The following AKR1A1 variants were observed in gnomAD, a reference collection of about 807,000 sequenced individuals.
AKR1A1 encodes aldo-keto reductase family 1 member A1.
A neutral mutation model predicts 39.2 loss-of-function variants in AKR1A1; 26 were observed. The ratio of observed to expected loss-of-function variants is 0.66; its 90% confidence interval spans 0.49 to 0.92. The LOEUF (loss-of-function observed/expected upper bound fraction) is 0.92. Among genes scored for constraint, AKR1A1 ranks in the 40% least tolerant of loss-of-function variants. AKR1A1 has a pLI of 0.00. For missense variants in AKR1A1, 378 were observed against 406.5 expected (o/e 0.93, Z 0.60); for synonymous variants, 141 against 155.5 (o/e 0.91, Z 0.69).
intron 1 of AKR1A1, among the ~76,000 whole-genome samples, chr1:45,559,036 T>C (rs947739818): frequency 6.6e-6 from 1 of 152,230 alleles, no homozygotes; most frequent in Non-Finnish European, 1.5e-5. Context: ...ATAGCTCCTG[T>C]TCAGTTATTC....
chr1:45,564,279 C>A (rs1269306777), intron 2 of AKR1A1, among the ~76,000 whole-genome samples: 2 of 152,062 alleles, frequency 1.3e-5, no homozygotes, highest in Non-Finnish European at 2.9e-5. Flanking sequence ...CAGACAAGGC[C>A]AAGGCGGGGC....
chr1:45,559,600 C>T (rs1430528411), intron 1 of AKR1A1, among the ~76,000 whole-genome samples: 2 of 149,998 alleles, frequency 1.3e-5, no homozygotes, highest in East Asian at 3.9e-4. Context: ...CTCCTTAGAT[C>T]CTTGGTTTTG....
intron 2 of AKR1A1, among the ~76,000 whole-genome samples, chr1:45,563,215 C>T (rs189851710): frequency 1.2e-3 from 179 of 151,790 alleles, no homozygotes; most frequent in African/African-American, 4.1e-3. Flanking sequence ...GCTTGGCCAA[C>T]GTGGTGAAAC....
intron 1 of AKR1A1, among the ~76,000 whole-genome samples, chr1:45,554,713 C>T (rs1644177718): frequency 6.6e-6 from 1 of 152,120 alleles, no homozygotes; most frequent in South Asian, 2.1e-4. Context: ...ATTTTTTAGA[C>T]AGGGTTTCAG....
intron 2 of AKR1A1, among the ~76,000 whole-genome samples, chr1:45,563,398 TA>T (rs1481822451): frequency 6.6e-6 from 1 of 150,584 alleles, no homozygotes; most frequent in Admixed American, 6.6e-5. Context: ...AGACTCCGTC[TA>T]GGGGGAAAAA....
At chr1:45,559,336 G>A (rs1285233438) in intron 1 of AKR1A1, among the ~76,000 whole-genome samples, 1 of 152,122 alleles carries the variant, frequency 6.6e-6, no homozygotes, top group Non-Finnish European at 1.5e-5. Flanking sequence ...TTTCCAGAGG[G>A]GGAGGCTCCA....
At chr1:45,562,555 G>T (rs1644292452) in intron 2 of AKR1A1, among the ~76,000 whole-genome samples, 1 of 151,612 alleles carries the variant, frequency 6.6e-6, no homozygotes, top group African/African-American at 2.4e-5. Context: ...TGTTCCCCAG[G>T]CTGGAGTGCA....
intron 1 of AKR1A1, among the ~76,000 whole-genome samples, chr1:45,556,693 A>G (rs1282637175): frequency 6.6e-6 from 1 of 151,548 alleles, no homozygotes; most frequent in African/African-American, 2.4e-5. Context: ...CCTGGCCAAT[A>G]CAGTGAAACC....
intron 5 of AKR1A1, 109 bp from the exon 6 acceptor site, chr1:45,568,376 G>GCA: frequency 7.6e-7 from 1 of 1,318,304 alleles, no homozygotes; most frequent in East Asian, 2.4e-5. Flanking sequence ...GCAGGCTGAA[G>GCA]GGGAGTGGAG....
At chr1:45,566,824 C>G (rs143282141) in intron 3 of AKR1A1, 45 bp from the exon 4 acceptor site, 6 of 1,602,440 alleles carry the variant, frequency 3.7e-6, no homozygotes, top group Non-Finnish European at 5.1e-6. Context: ...GGTGAGACCA[C>G]GTGCTCATGG....
intron 2 of AKR1A1, among the ~76,000 whole-genome samples, chr1:45,562,477 G>C (rs1209353016): frequency 6.6e-6 from 1 of 150,782 alleles, no homozygotes; most frequent in Non-Finnish European, 1.5e-5. Context: ...GAGTAGCTGG[G>C]ACCACAGGCA....
chr1:45,567,872 C>A, intron 4 of AKR1A1, 110 bp from the exon 5 acceptor site: 2 of 1,040,022 alleles, frequency 1.9e-6, no homozygotes, highest in Non-Finnish European at 2.7e-6. Context: ...AAATTCTTGG[C>A]CCTTTGTCCT....
At chr1:45,558,443 A>G (rs1644236596) in intron 1 of AKR1A1, among the ~76,000 whole-genome samples, 4 of 143,160 alleles carry the variant, frequency 2.8e-5, no homozygotes, top group East Asian at 2.1e-4. Context: ...CTGTCACCCA[A>G]GCCGGAGTGC....
chr1:45,566,480 GCCCCCTTC>G (rs2148303235), intron 2 of AKR1A1, 81 bp from the exon 3 acceptor site: 1 of 1,558,184 alleles, frequency 6.4e-7, no homozygotes, highest in African/African-American at 1.4e-5. Context: ...ATATTTCTGA[GCCCCCTTC>G]CCCCAGCATT....
intron 2 of AKR1A1, among the ~76,000 whole-genome samples, chr1:45,563,104 A>T (rs186707007): frequency 7.9e-4 from 112 of 141,580 alleles, no homozygotes; most frequent in African/African-American, 2.8e-3. Flanking sequence ...AGACCATCTT[A>T]AAAAAAAAAA....
chr1:45,563,493 A>C (rs972477923), intron 2 of AKR1A1, among the ~76,000 whole-genome samples: 7 of 152,086 alleles, frequency 4.6e-5, no homozygotes, highest in African/African-American at 1.7e-4. Context: ...TGACCTTTTA[A>C]TATGTAACCA....
At chr1:45,565,954 C>T (rs141898272) in intron 2 of AKR1A1, among the ~76,000 whole-genome samples, 41 of 151,934 alleles carry the variant, frequency 2.7e-4, no homozygotes, top group African/African-American at 9.2e-4. Flanking sequence ...TGGTAGATGC[C>T]GGGAAAATAT....
At chr1:45,568,211 T>C in intron 5 of AKR1A1, 34 bp downstream of exon 5, 2 of 1,584,360 alleles carry the variant, frequency 1.3e-6, no homozygotes, top group African/African-American at 2.7e-5. Flanking sequence ...GGTTTAGGGG[T>C]TGTCTGCTCA....
intron 2 of AKR1A1, among the ~76,000 whole-genome samples, chr1:45,563,161 G>T (rs1362889659): frequency 1.3e-5 from 2 of 151,830 alleles, no homozygotes; most frequent in African/African-American, 4.8e-5. Context: ...CAGCACTTTG[G>T]GAGGCCAAGG....
Sources: gnomAD v4.1 joint callset for allele counts (sites outside exome capture counted in the v4.1 genomes callset) on GRCh38, gnomAD v4.1.1 for gene constraint, MANE v1.5 for transcripts, NCBI Gene and HGNC (gene_info 2026-07-23, HGNC 2026-07-21) for gene names.